The following SYTL3 variants were observed in gnomAD, a reference collection of about 807,000 sequenced individuals.
The protein encoded by SYTL3 is synaptotagmin like 3.
Under a neutral mutation model 82.1 loss-of-function variants are expected in SYTL3, and 88 were observed. The ratio of observed to expected loss-of-function variants is 1.07; its 90% CI spans 0.90 to 1.28. The LOEUF (loss-of-function observed/expected upper bound fraction) is 1.28. Among genes scored for constraint, SYTL3 ranks in the 50% most tolerant of loss-of-function variants. The pLI, the probability that SYTL3 is intolerant of heterozygous loss-of-function variation, is 0.00. For missense variants in SYTL3, 831 were observed against 757.6 expected (o/e 1.10, Z -1.14); for synonymous variants, 311 against 289.4 (o/e 1.07, Z -0.76).
intron 5 of SYTL3, among the ~76,000 whole-genome samples, chr6:158,682,552 G>A (rs9457427): frequency 0.16 from 23,677 of 151,426 alleles, 2,145 homozygotes; most frequent in South Asian, 0.27. Flanking sequence ...GTACAGACGG[G>A]GTTTCACCGT....
At chr6:158,661,657 A>G (rs1174199365) in intron 3 of SYTL3, among the ~76,000 whole-genome samples, 1 of 152,236 alleles carries the variant, frequency 6.6e-6, no homozygotes, top group African/African-American at 2.4e-5. Context: ...AAAAAATTAA[A>G]TCTTTATTTT....
chr6:158,677,932 C>A (rs1306519665), intron 5 of SYTL3, among the ~76,000 whole-genome samples: 1 of 152,006 alleles, frequency 6.6e-6, no homozygotes, highest in Non-Finnish European at 1.5e-5. Context: ...CACTATTGCC[C>A]AGACTGGAGT....
intron 6 of SYTL3, among the ~76,000 whole-genome samples, chr6:158,685,218 T>TCTCTCTC (rs1368798182): frequency 4.0e-5 from 4 of 100,276 alleles, no homozygotes; most frequent in African/African-American, 3.3e-4. Flanking sequence ...CTCTCTCTCT[T>TCTCTCTC]TTTTTTTTTT....
chr6:158,657,588 T>C (rs1427588627), intron 2 of SYTL3, among the ~76,000 whole-genome samples: 3 of 152,198 alleles, frequency 2.0e-5, no homozygotes, highest in Non-Finnish European at 1.5e-5. Flanking sequence ...AAAAATAGAC[T>C]ATGACTCTGT....
chr6:158,690,812 C>A (rs1287776510), intron 6 of SYTL3, among the ~76,000 whole-genome samples: 1 of 152,082 alleles, frequency 6.6e-6, no homozygotes, highest in Non-Finnish European at 1.5e-5. Flanking sequence ...ATCTGTAGTA[C>A]ATTCGAATTA....
intron 11 of SYTL3, 184 bp downstream of exon 11, chr6:158,725,821 T>C (rs1166914301): frequency 3.6e-6 from 3 of 838,620 alleles, no homozygotes; most frequent in African/African-American, 1.7e-5. Flanking sequence ...TAAAGTTGCG[T>C]TATCCTCAGG....
At chr6:158,697,277 G>GGA (rs767664100) in intron 6 of SYTL3, among the ~76,000 whole-genome samples, 27 of 94,488 alleles carry the variant, frequency 2.9e-4, no homozygotes, top group Middle Eastern at 6.0e-3. Context: ...CATCTCTACG[G>GGA]AAAAAAAAAA....
At chr6:158,717,473 G>T (rs1050964339) in intron 9 of SYTL3, among the ~76,000 whole-genome samples, 2 of 152,136 alleles carry the variant, frequency 1.3e-5, no homozygotes, top group African/African-American at 4.8e-5. Flanking sequence ...TTCAGAGGAT[G>T]AAACTATCTT....
intron 6 of SYTL3, among the ~76,000 whole-genome samples, chr6:158,701,558 A>C (rs1398103978): frequency 1.1e-5 from 1 of 92,978 alleles, no homozygotes; most frequent in African/African-American, 6.0e-5. Flanking sequence ...GGGGGGGAGG[A>C]GGCGTGGGGA....
At chr6:158,741,472 AT>A (rs1236075409) in intron 11 of SYTL3, among the ~76,000 whole-genome samples, 1 of 152,130 alleles carries the variant, frequency 6.6e-6, no homozygotes, top group Non-Finnish European at 1.5e-5. Context: ...AGGCGTTTCA[AT>A]TTTTGGTGCA....
chr6:158,750,581 T>C (rs571996667), intron 12 of SYTL3, among the ~76,000 whole-genome samples: 19 of 152,258 alleles, frequency 1.2e-4, no homozygotes, highest in African/African-American at 4.6e-4. Context: ...TGCAGTGATG[T>C]TATCATGGCT....
At chr6:158,677,640 G>T (rs1778200227) in intron 5 of SYTL3, among the ~76,000 whole-genome samples, 1 of 147,442 alleles carries the variant, frequency 6.8e-6, no homozygotes, top group Admixed American at 6.9e-5. Context: ...GGGAGGCAGA[G>T]GTTGCAGTGA....
In SYTL3 at chr6:158,663,198, T is replaced by C; in HGVS notation, c.-71T>C. Reference sequence around the variant, plus strand: ...GGCTGCAGCTGGCCTCCGCCGCTCATCTGCAGGGCGTGAGCGCTTGGTCCA... The same window carrying C: ...GGCTGCAGCTGGCCTCCGCCGCTCACCTGCAGGGCGTGAGCGCTTGGTCCA... On this transcript the variant is annotated 5_prime_UTR_variant, in exon 4 of 18. Coordinates refer to ENST00000611299, the MANE Select transcript of SYTL3 (RefSeq NM_001242394.2). The C allele has an allele frequency of 7.1e-7, 1 of 1,398,646 alleles. No individual in the cohort carries two copies. The highest frequency in any genetic ancestry group is 1.0e-6 in the Non-Finnish European group (1 of 989,824). 86.6% of individuals were successfully genotyped at this position (1,398,646 alleles called of 1,614,324 possible).
intron 6 of SYTL3, 140 bp downstream of exon 6, chr6:158,683,129 G>A: frequency 1.7e-6 from 1 of 602,974 alleles, no homozygotes; most frequent in East Asian, 3.1e-5. Context: ...ATTTGCTGAT[G>A]CTCTCACTGT....
intron 11 of SYTL3, chr6:158,726,004 A>G (rs1784683852): frequency 4.5e-6 from 3 of 659,766 alleles, no homozygotes; most frequent in South Asian, 4.1e-5. Flanking sequence ...CATGCAAGCC[A>G]CTGACAGTGT....
intron 8 of SYTL3, 146 bp downstream of exon 8, chr6:158,708,537 G>C: frequency 1.4e-6 from 1 of 727,178 alleles, no homozygotes; most frequent in South Asian, 1.7e-5. Context: ...AAAGCGGGGT[G>C]GGGAGCGAGG....
intron 15 of SYTL3, among the ~76,000 whole-genome samples, chr6:158,761,301 CTT>C (rs11463987): frequency 1.2e-3 from 110 of 93,868 alleles, no homozygotes; most frequent in African/African-American, 3.0e-3. Flanking sequence ...ATGCACATTT[CTT>C]TTTTTTTTTT....
intron 8 of SYTL3, among the ~76,000 whole-genome samples, chr6:158,712,853 G>A (rs925367708): frequency 6.6e-6 from 1 of 151,286 alleles, no homozygotes; most frequent in Non-Finnish European, 1.5e-5. Context: ...CCGCCTCCCG[G>A]GTTCACACCA....
chr6:158,663,208 G>A lies in SYTL3; in HGVS notation c.-61G>A, dbSNP rs797000154. The stretch of plus-strand genomic sequence containing the variant: ...GGCCTCCGCCGCTCATCTGCAGGGC[G>A]TGAGCGCTTGGTCCATGCAGTGAAG... On this transcript the variant is annotated 5_prime_UTR_variant, in exon 4 of 18. It adds an upstream start codon to the 5' untranslated region. Transcript: ENST00000611299. The A allele has an allele frequency of 1.9e-5, 28 of 1,493,078 alleles. No homozygotes were observed. In the Admixed American group the frequency reaches 2.2e-4, roughly 12 times the overall value. 92.5% of individuals were successfully genotyped at this position (1,493,078 alleles called of 1,614,324 possible). A position where few individuals can be genotyped will look rare whatever the true frequency, so the allele number is the denominator to read the frequency against.
Sources: gnomAD v4.1 joint callset for allele counts (sites outside exome capture counted in the v4.1 genomes callset) on GRCh38, gnomAD v4.1.1 for gene constraint, MANE v1.5 for transcripts, NCBI Gene and HGNC (gene_info 2026-07-23, HGNC 2026-07-21) for gene names.